The following EYS variants were observed in gnomAD, a reference collection of about 807,000 sequenced individuals.
EYS encodes the protein protein eyes shut homolog.
Under a neutral mutation model 282.1 loss-of-function variants are expected in EYS, and 250 were observed. That is an observed-to-expected ratio of 0.89 (90% CI 0.80 to 0.98). The LOEUF is 0.98. EYS is among the 50% of genes least tolerant of loss of function. The probability of loss-of-function intolerance (pLI) is 0.00; values close to 1 mark genes in which losing one functional copy is unlikely to be tolerated. For missense variants in EYS, 4,016 were observed against 3,709.0 expected, an observed-to-expected ratio of 1.08 and a Z score of -2.15; for synonymous variants, 1,355 against 1,282.9, an observed-to-expected ratio of 1.06 and a Z score of -1.20.
chr6:64,745,049 C>T (rs1277231677), intron 22 of EYS, among the ~76,000 whole-genome samples: 1 of 152,134 alleles, frequency 6.6e-6, no homozygotes, highest in Admixed American at 6.6e-5. Context: ...CTACAGCCCT[C>T]GTTTGTCCTA....
At chr6:64,362,266 G>A (rs969962603) in intron 29 of EYS, among the ~76,000 whole-genome samples, 7 of 151,642 alleles carry the variant, frequency 4.6e-5, no homozygotes, top group Admixed American at 1.3e-4. Context: ...ATAACTAAAC[G>A]TAAGTATAGG....
At chr6:64,010,402 G>GC (rs1339325922) in intron 33 of EYS, among the ~76,000 whole-genome samples, 61 of 150,394 alleles carry the variant, frequency 4.1e-4, no homozygotes, top group African/African-American at 1.4e-3. Context: ...TTGGGGGGGG[G>GC]GGTGGTGGTG....
At chr6:64,241,051 T>G (rs994412428) in intron 30 of EYS, among the ~76,000 whole-genome samples, 1 of 152,118 alleles carries the variant, frequency 6.6e-6, no homozygotes, top group Admixed American at 6.6e-5. Context: ...ATGGAGTAGG[T>G]TTATTGATTT....
At chr6:64,383,117 A>ATATC (rs1772802615) in intron 29 of EYS, among the ~76,000 whole-genome samples, 1 of 152,096 alleles carries the variant, frequency 6.6e-6, no homozygotes, top group Non-Finnish European at 1.5e-5. Context: ...GAGAAACCCC[A>ATATC]TATCTACAAA....
chr6:64,600,950 T>C (rs1167194684), intron 24 of EYS, among the ~76,000 whole-genome samples: 4 of 152,130 alleles, frequency 2.6e-5, no homozygotes, highest in South Asian at 2.1e-4. Flanking sequence ...AGGACTGTTA[T>C]AGTGAAATTC....
At chr6:65,434,823 A>G (rs991889235) in intron 5 of EYS, among the ~76,000 whole-genome samples, 1 of 152,078 alleles carries the variant, frequency 6.6e-6, no homozygotes, top group African/African-American at 2.4e-5. Flanking sequence ...TTAAGGCTTA[A>G]TTTATACTGC....
At chr6:65,177,356 C>G (rs1292166493) in intron 12 of EYS, among the ~76,000 whole-genome samples, 1 of 151,740 alleles carries the variant, frequency 6.6e-6, no homozygotes, top group East Asian at 2.0e-4. Context: ...GGCATATACC[C>G]TCCGAAATAA....
chr6:64,902,593 T>C, intron 16 of EYS, 93 bp from the exon 17 acceptor site: 1 of 674,374 alleles, frequency 1.5e-6, no homozygotes, highest in African/African-American at 1.9e-5. Flanking sequence ...ACACTCATAA[T>C]GGAGGTTAAA....
intron 31 of EYS, among the ~76,000 whole-genome samples, chr6:64,151,195 C>T (rs1003100670): frequency 6.7e-6 from 1 of 150,278 alleles, no homozygotes; most frequent in Non-Finnish European, 1.5e-5. Context: ...AAATACTCTG[C>T]TGCATTTAAA....
At chr6:65,153,948 C>T (rs1581961991) in intron 12 of EYS, among the ~76,000 whole-genome samples, 1 of 151,714 alleles carries the variant, frequency 6.6e-6, no homozygotes, top group East Asian at 1.9e-4. Flanking sequence ...CAAAGTGCCT[C>T]CATTTATTTT....
intron 22 of EYS, among the ~76,000 whole-genome samples, chr6:64,636,530 G>A (rs1302338715): frequency 2.0e-5 from 3 of 152,124 alleles, no homozygotes; most frequent in African/African-American, 7.2e-5. Context: ...ATAGGCATGG[G>A]CAAGGACTTC....
intron 12 of EYS, among the ~76,000 whole-genome samples, chr6:65,142,084 C>A (rs550599327): frequency 7.9e-5 from 12 of 152,084 alleles, no homozygotes; most frequent in South Asian, 2.1e-4. Flanking sequence ...TCAACTTGTT[C>A]ATTGTACATA....
Position 64,232,036 on chromosome 6 carries a change from C to T in EYS, c.6192-1212G>A, listed in dbSNP as rs570719069. Reference sequence around the variant, plus strand: ...TAAAAAGCTATTTTTATATCTACTACGCACGTTAATGTCAACTTATTGGAA... The same window carrying T: ...TAAAAAGCTATTTTTATATCTACTATGCACGTTAATGTCAACTTATTGGAA... On this transcript the variant is annotated intron_variant, in intron 30 of 42. Coordinates refer to ENST00000503581, the MANE Select transcript of EYS (RefSeq NM_001142800.2). 4.3e-4 allele frequency among the ~76,000 whole-genome samples: 66 copies of T among 152,194 alleles called. 1 individual carries two copies. Among genetic ancestry groups the T allele is most frequent in the Middle Eastern group, 6.8e-3 (2 of 294 alleles).
intron 30 of EYS, among the ~76,000 whole-genome samples, chr6:64,278,523 G>A (rs1036147380): frequency 3.3e-5 from 5 of 151,922 alleles, no homozygotes; most frequent in African/African-American, 9.7e-5. Context: ...TCCAATCCAA[G>A]GAAAAAATTA....
chr6:63,722,682 T>C lies in EYS; in HGVS notation c.8234-885A>G, dbSNP rs114890000. On this transcript the variant is annotated intron_variant, in intron 42 of 42. Transcript: ENST00000503581. ...TTCTCCCTCTGAAATTTCCCAACCT[T>C]TTTCTTTTCTCATCCAGGGATATTC... Among the ~76,000 whole-genome samples the C allele has an allele frequency of 6.4e-3, 972 of 152,230 alleles. 9 individuals are homozygous for C. Among genetic ancestry groups the C allele is most frequent in the African/African-American group, 0.022 (910 of 41,552 alleles).
chr6:64,531,480 G>A (rs1053781765), intron 26 of EYS, among the ~76,000 whole-genome samples: 5 of 150,078 alleles, frequency 3.3e-5, no homozygotes, highest in African/African-American at 4.9e-5. Context: ...TCCGCCTCCC[G>A]GATTCACGCC....
At chr6:64,989,641 A>G (rs1770991309) in intron 14 of EYS, among the ~76,000 whole-genome samples, 1 of 144,568 alleles carries the variant, frequency 6.9e-6, no homozygotes, top group Non-Finnish European at 1.5e-5. Flanking sequence ...AATTAAATAC[A>G]TAATTATAAA....
At chr6:64,836,427 T>G (rs1047077735) in intron 19 of EYS, among the ~76,000 whole-genome samples, 5 of 151,530 alleles carry the variant, frequency 3.3e-5, no homozygotes, top group Admixed American at 6.6e-5. Flanking sequence ...AAGATCTTTA[T>G]GCATACACAC....
intron 29 of EYS, among the ~76,000 whole-genome samples, chr6:64,364,445 C>T (rs1228131077): frequency 2.0e-5 from 3 of 151,792 alleles, no homozygotes; most frequent in East Asian, 1.9e-4. Flanking sequence ...TAACAATAAA[C>T]ATTTGCTTAT....
Sources: gnomAD v4.1 joint callset for allele counts (sites outside exome capture counted in the v4.1 genomes callset) on GRCh38, gnomAD v4.1.1 for gene constraint, MANE v1.5 for transcripts, NCBI Gene and HGNC (gene_info 2026-07-23, HGNC 2026-07-21) for gene names.